The following CAMTA1 variants were observed in gnomAD, a reference collection of about 807,000 sequenced individuals.
The protein encoded by CAMTA1 is calmodulin binding transcription activator 1.
In CAMTA1, 27 loss-of-function variants were observed where a neutral mutation model predicts 170.9. That is an observed-to-expected ratio of 0.16 (90% CI 0.12 to 0.22). The LOEUF (loss-of-function observed/expected upper bound fraction) is 0.22, where lower values mean the gene tolerates loss of function less well. Among genes scored for constraint, CAMTA1 ranks in the 10% least tolerant of loss-of-function variants. The probability of loss-of-function intolerance (pLI) is 1.00; values close to 1 mark genes in which losing one functional copy is unlikely to be tolerated. For synonymous variants in CAMTA1, 833 were observed against 891.5 expected, an observed-to-expected ratio of 0.93 and a Z score of 1.17; for missense variants, 1,619 against 2,217.2, an observed-to-expected ratio of 0.73 and a Z score of 5.42.
In CAMTA1 at chr1:7,766,041, A is replaced by AAC. The variant is rs1553290001; in HGVS notation, c.4990-417_4990-416insCA. 2.9e-3 allele frequency among the ~76,000 whole-genome samples: 431 copies of AAC among 147,442 alleles called. 5 individuals are homozygous for AAC. Among genetic ancestry groups the AAC allele is most frequent in the Non-Finnish European group, 3.5e-3 (232 of 67,148 alleles). On this transcript the variant is annotated intron_variant, in intron 22 of 22. Transcript: ENST00000303635. ...GATTCTGTCTCAAAAAAAAAAAAAA[A>AAC]AAAACTAAATAAATGCATGTACAGT...
intron 5 of CAMTA1, among the ~76,000 whole-genome samples, chr1:7,316,730 C>T (rs961577456): frequency 4.6e-5 from 7 of 152,132 alleles, no homozygotes; most frequent in African/African-American, 1.7e-4. Flanking sequence ...GGCAGACACA[C>T]ACGAACAGCC....
chr1:6,991,437 G>A (rs748061487), intron 3 of CAMTA1, among the ~76,000 whole-genome samples: 21 of 152,136 alleles, frequency 1.4e-4, no homozygotes, highest in Non-Finnish European at 2.9e-4. Flanking sequence ...GGTGAACAGT[G>A]GGATCTCATT....
intron 4 of CAMTA1, among the ~76,000 whole-genome samples, chr1:7,096,413 A>G (rs527455663): frequency 2.0e-5 from 3 of 152,250 alleles, no homozygotes; most frequent in South Asian, 2.1e-4. Context: ...CTCACCGTCA[A>G]GTCTCTGTGG....
At chr1:7,309,692 T>A (rs1479863817) in intron 5 of CAMTA1, among the ~76,000 whole-genome samples, 1 of 152,116 alleles carries the variant, frequency 6.6e-6, no homozygotes, top group Non-Finnish European at 1.5e-5. Context: ...GTATTTTACA[T>A]ATTGTGTTTT....
chr1:6,957,171 G>T (rs977049887), intron 3 of CAMTA1, among the ~76,000 whole-genome samples: 2 of 152,184 alleles, frequency 1.3e-5, no homozygotes, highest in Admixed American at 6.5e-5. Flanking sequence ...CAGATCTAAG[G>T]GGGAAGGATG....
intron 5 of CAMTA1, among the ~76,000 whole-genome samples, chr1:7,434,548 A>G (rs1178144624): frequency 6.6e-6 from 1 of 152,218 alleles, no homozygotes; most frequent in African/African-American, 2.4e-5. Flanking sequence ...TGGGTTCTCT[A>G]AAATGAGTCT....
rs529792988 is a variant in CAMTA1 at position 7,583,291 on chromosome 1, C to G, written c.511-57109C>G. Among the ~76,000 whole-genome samples, 23 of 152,148 alleles carry G rather than the reference C, an allele frequency of 1.5e-4. No homozygotes were observed. In the South Asian group the frequency reaches 3.5e-3, roughly 23 times the overall value. ...TGTGGAAGGGGTGCAGAGACTGAAC[C>G]AGGCCTGTCCTGGGAAGCCGAGAAG... On this transcript the variant is annotated intron_variant, in intron 6 of 22. Transcript: ENST00000303635.
intron 3 of CAMTA1, among the ~76,000 whole-genome samples, chr1:6,906,918 A>T (rs975937164): frequency 6.6e-6 from 1 of 152,216 alleles, no homozygotes; most frequent in Non-Finnish European, 1.5e-5. Flanking sequence ...GTGGGCAACT[A>T]AGGAGAAGCA....
intron 5 of CAMTA1, among the ~76,000 whole-genome samples, chr1:7,261,030 A>G (rs1432550483): frequency 1.3e-5 from 2 of 152,172 alleles, no homozygotes; most frequent in South Asian, 2.1e-4. Context: ...GAAATCAAAG[A>G]TTCGGTTTGC....
intron 4 of CAMTA1, among the ~76,000 whole-genome samples, chr1:7,125,490 G>A (rs920361826): frequency 6.6e-6 from 1 of 152,188 alleles, no homozygotes; most frequent in Non-Finnish European, 1.5e-5. Flanking sequence ...ATGATGGGTG[G>A]CATAAAACAT....
rs1194488894 is a variant in CAMTA1, at chr1:6,964,328, TGCAGCGTCCTGGGTACCTGGGGAGGGC to T, written c.235-126963_235-126937del. Among the ~76,000 whole-genome samples, 10 of 143,334 alleles carry T rather than the reference TGCAGCGTCCTGGGTACCTGGGGAGGGC, an allele frequency of 7.0e-5. No homozygotes were observed. The East Asian group carries it at 1.6e-3, about 23-fold the overall frequency. The allele number at this position is 143,334 out of a possible 152,430, so 94.0% of individuals were successfully genotyped here. The stretch of plus-strand genomic sequence containing the variant: ...CAGTGTCCTCGGTGCCCCCGGAGGG[TGCAGCGTCCTGGGTACCTGGGGAGGGC>T]GCAGCGTCCTGGCTGTTTTGTACAG... On this transcript the variant is annotated intron_variant, in intron 3 of 22. Coordinates refer to ENST00000303635, the MANE Select transcript of CAMTA1 (RefSeq NM_015215.4).
chr1:7,330,977 C>T (rs942786322), intron 5 of CAMTA1, among the ~76,000 whole-genome samples: 3 of 152,160 alleles, frequency 2.0e-5, no homozygotes, highest in African/African-American at 7.2e-5. Context: ...TACAGTGGCT[C>T]ATGCCTGTAA....
intron 3 of CAMTA1, among the ~76,000 whole-genome samples, chr1:6,873,583 G>C (rs1669005781): frequency 6.6e-6 from 1 of 152,194 alleles, no homozygotes; most frequent in Non-Finnish European, 1.5e-5. Context: ...GAGGTAGACA[G>C]TACTTTATTT....
chr1:7,751,151 G>T lies in CAMTA1; in HGVS notation c.4690-48G>T, dbSNP rs200316768. The T allele has an allele frequency of 2.8e-6, 4 of 1,447,688 alleles. No homozygotes were observed. The Admixed American group carries it at 8.4e-5, about 31-fold the overall frequency. 89.7% of individuals were successfully genotyped at this position (1,447,688 alleles called of 1,614,324 possible). On this transcript the variant is annotated intron_variant, in intron 19 of 22. Coordinates refer to ENST00000303635, the MANE Select transcript of CAMTA1 (RefSeq NM_015215.4). ...GGTAAGCTCGAAGGACGCTGAGCCC[G>T]TGCAGCCCCTGTTGTTACTGTGTCG...
At chr1:7,696,287 C>A (rs1026711975) in intron 11 of CAMTA1, among the ~76,000 whole-genome samples, 3 of 152,164 alleles carry the variant, frequency 2.0e-5, no homozygotes, top group Non-Finnish European at 4.4e-5. Context: ...ACCTCCACCT[C>A]CCAGGTTCAA....
chr1:7,211,982 A>C (rs1658856754), intron 4 of CAMTA1, among the ~76,000 whole-genome samples: 1 of 152,200 alleles, frequency 6.6e-6, no homozygotes, highest in African/African-American at 2.4e-5. Flanking sequence ...CTTTTCCAAC[A>C]TGGAGAAATT....
chr1:7,390,469 G>A (rs1264370569), intron 5 of CAMTA1, among the ~76,000 whole-genome samples: 3 of 152,194 alleles, frequency 2.0e-5, no homozygotes, highest in African/African-American at 7.2e-5. Context: ...GCCAACGCCA[G>A]TACCAGTGCA....
At chr1:7,196,872 C>T (rs1655617323) in intron 4 of CAMTA1, among the ~76,000 whole-genome samples, 1 of 152,198 alleles carries the variant, frequency 6.6e-6, no homozygotes, top group East Asian at 1.9e-4. Context: ...TTTTAATATT[C>T]CAGTTTCAGT....
At chr1:7,608,369 C>A (rs2095501328) in intron 6 of CAMTA1, among the ~76,000 whole-genome samples, 1 of 152,210 alleles carries the variant, frequency 6.6e-6, no homozygotes, top group Non-Finnish European at 1.5e-5. Flanking sequence ...CAGAGCCTCC[C>A]AGGCCTAGTT....
Sources: gnomAD v4.1 joint callset for allele counts (sites outside exome capture counted in the v4.1 genomes callset) on GRCh38, gnomAD v4.1.1 for gene constraint, MANE v1.5 for transcripts, NCBI Gene and HGNC (gene_info 2026-07-23, HGNC 2026-07-21) for gene names.